CACNA2D3: variants seen among roughly 807,000 people sequenced by gnomAD.
The protein encoded by CACNA2D3 is voltage-dependent calcium channel subunit alpha-2/delta-3.
A neutral mutation model predicts 160.6 loss-of-function variants in CACNA2D3; 60 were observed. That is an observed-to-expected ratio of 0.37 (90% CI 0.30 to 0.46). The LOEUF is 0.46. CACNA2D3 is among the 20% of genes least tolerant of loss of function. The pLI is 1.00. For synonymous variants in CACNA2D3, 558 were observed against 492.9 expected (o/e 1.13, Z -1.75); for missense variants, 1,205 against 1,365.0 (o/e 0.88, Z 1.85).
In CACNA2D3 at chr3:54,805,378, C is replaced by T. The variant is rs376863950; in HGVS notation, c.1381-11475C>T. On this transcript the variant is annotated intron_variant, in intron 13 of 37. Transcript: ENST00000474759. Reference sequence around the variant, plus strand: ...AAAATGATAAAGGGGATATCACTACCGATCCCACAGAAATACAAACTACCA... The same window carrying T: ...AAAATGATAAAGGGGATATCACTACTGATCCCACAGAAATACAAACTACCA... Among the ~76,000 whole-genome samples the T allele has an allele frequency of 7.8e-3, 1,191 of 152,168 alleles. 23 individuals carry two copies. Among genetic ancestry groups the T allele is most frequent in the African/African-American group, 0.026 (1,070 of 41,502 alleles).
intron 2 of CACNA2D3, among the ~76,000 whole-genome samples, chr3:54,169,933 A>G (rs1700533007): frequency 6.6e-6 from 1 of 152,138 alleles, no homozygotes; most frequent in Admixed American, 6.5e-5. Flanking sequence ...CATGCCTGTA[A>G]TCCCCGCAGT....
intron 13 of CACNA2D3, among the ~76,000 whole-genome samples, chr3:54,805,440 T>C (rs2106682986): frequency 6.6e-6 from 1 of 152,250 alleles, no homozygotes; most frequent in Admixed American, 6.5e-5. Flanking sequence ...GCAAATAAAC[T>C]AGAAAATCTA....
In CACNA2D3 at chr3:54,724,626, CCA is replaced by C. The variant is rs538025611; in HGVS notation, c.1168-27968_1168-27967del. Among the ~76,000 whole-genome samples the C allele has an allele frequency of 4.4e-3, 663 of 152,250 alleles. 7 individuals are homozygous for C. Among genetic ancestry groups the C allele is most frequent in the African/African-American group, 0.015 (619 of 41,552 alleles). On this transcript the variant is annotated intron_variant, in intron 11 of 37. Coordinates refer to ENST00000474759, the MANE Select transcript of CACNA2D3 (RefSeq NM_018398.3). ...TCAGGATTAAGAAACTCACTCAAAACCACACAGCTACATGGAAACTGAACAGC... is the reference window on the plus strand; with the variant it reads ...TCAGGATTAAGAAACTCACTCAAAACCACAGCTACATGGAAACTGAACAGC...
chr3:54,820,585 T>C (rs1159874163), intron 14 of CACNA2D3, among the ~76,000 whole-genome samples: 3 of 152,166 alleles, frequency 2.0e-5, no homozygotes, highest in Non-Finnish European at 4.4e-5. Context: ...ATGGAGGTAG[T>C]GTCCTGAGGT....
At chr3:54,709,122 G>C (rs1053494266) in intron 11 of CACNA2D3, among the ~76,000 whole-genome samples, 1 of 149,680 alleles carries the variant, frequency 6.7e-6, no homozygotes, top group Non-Finnish European at 1.5e-5. Context: ...CAATTCTCCC[G>C]CCTCAGCCTC....
At chr3:54,522,758 C>T (rs191869214) in intron 5 of CACNA2D3, among the ~76,000 whole-genome samples, 1 of 152,096 alleles carries the variant, frequency 6.6e-6, no homozygotes, top group East Asian at 1.9e-4. Flanking sequence ...TGCAGCAAAC[C>T]ACTATTTTGA....
In CACNA2D3 at chr3:54,538,598, C is replaced by G. The variant is rs145844982; in HGVS notation, c.545-24202C>G. 4.8e-3 allele frequency among the ~76,000 whole-genome samples: 737 copies of G among 152,266 alleles called. 1 individual carries two copies. Among genetic ancestry groups the G allele is most frequent in the African/African-American group, 0.017 (716 of 41,552 alleles). On this transcript the variant is annotated intron_variant, in intron 5 of 37. Coordinates refer to ENST00000474759, the MANE Select transcript of CACNA2D3 (RefSeq NM_018398.3). ...CAGAGAGAGAGAGGATGCCAAGCTT[C>G]TGGGCATTCACAGGGGCTACCTCAA...
At chr3:54,446,134 G>A (rs1340103357) in intron 4 of CACNA2D3, among the ~76,000 whole-genome samples, 1 of 152,200 alleles carries the variant, frequency 6.6e-6, no homozygotes, top group Non-Finnish European at 1.5e-5. Context: ...GTGTTTTGCT[G>A]GAAGATGTCT....
At chr3:54,919,983 C>A (rs1214149958) in intron 27 of CACNA2D3, among the ~76,000 whole-genome samples, 5 of 152,132 alleles carry the variant, frequency 3.3e-5, no homozygotes, top group Non-Finnish European at 7.4e-5. Flanking sequence ...GCACTGTCTG[C>A]TAGGAAGCCT....
At chr3:54,925,281 G>T in intron 27 of CACNA2D3, 1 of 1,337,496 alleles carries the variant, frequency 7.5e-7, no homozygotes, top group Non-Finnish European at 1.0e-6. Flanking sequence ...GCACTTTTCC[G>T]CCTTTGAATT....
At chr3:54,976,999 A>G (rs1007424172) in intron 29 of CACNA2D3, among the ~76,000 whole-genome samples, 6 of 152,246 alleles carry the variant, frequency 3.9e-5, no homozygotes, top group Admixed American at 1.3e-4. Context: ...AATAAAGTGG[A>G]AAGTATGAAA....
At chr3:54,197,343 C>A (rs1408725314) in intron 2 of CACNA2D3, 1 of 152,180 alleles carries the variant, frequency 6.6e-6, no homozygotes, top group Non-Finnish European at 1.5e-5. Flanking sequence ...GAAATGTCTT[C>A]CTCGTGACCT....
chr3:54,166,951 G>A (rs528114828), intron 2 of CACNA2D3, among the ~76,000 whole-genome samples: 1 of 152,256 alleles, frequency 6.6e-6, no homozygotes, highest in Admixed American at 6.5e-5. Flanking sequence ...GATTTTATGA[G>A]TTATAATATT....
intron 20 of CACNA2D3, 54 bp downstream of exon 20, chr3:54,879,465 TAC>T: frequency 1.5e-6 from 2 of 1,291,950 alleles, no homozygotes; most frequent in Middle Eastern, 1.9e-4. Context: ...GTTGTGTTTG[TAC>T]AAAACCTGCT....
intron 35 of CACNA2D3, among the ~76,000 whole-genome samples, chr3:55,020,941 G>C (rs1048422924): frequency 1.1e-4 from 16 of 151,974 alleles, no homozygotes; most frequent in African/African-American, 3.9e-4. Flanking sequence ...AAAAAGGAGA[G>C]TGGCGATACT....
chr3:54,841,375 T>C (rs1349853988), intron 16 of CACNA2D3, among the ~76,000 whole-genome samples: 1 of 152,224 alleles, frequency 6.6e-6, no homozygotes, highest in Non-Finnish European at 1.5e-5. Context: ...GTGCTTGAAA[T>C]GCAGGCATGT....
At chr3:54,837,601 T>G (rs565714006) in intron 15 of CACNA2D3, among the ~76,000 whole-genome samples, 1 of 152,204 alleles carries the variant, frequency 6.6e-6, no homozygotes, top group African/African-American at 2.4e-5. Flanking sequence ...AAATAGAAAT[T>G]TCTTCTCTCA....
chr3:54,771,907 T>C (rs1190623361), intron 13 of CACNA2D3, among the ~76,000 whole-genome samples: 2 of 152,052 alleles, frequency 1.3e-5, no homozygotes, highest in African/African-American at 4.8e-5. Flanking sequence ...GGAAAGATAA[T>C]GCCAGAAGGA....
At chr3:54,597,733 G>C (rs566793881) in intron 9 of CACNA2D3, among the ~76,000 whole-genome samples, 1 of 152,096 alleles carries the variant, frequency 6.6e-6, no homozygotes, top group Non-Finnish European at 1.5e-5. Flanking sequence ...CCTAGATCCC[G>C]AGTTGTCTAG....
Sources: gnomAD v4.1 joint callset for allele counts (sites outside exome capture counted in the v4.1 genomes callset) on GRCh38, gnomAD v4.1.1 for gene constraint, MANE v1.5 for transcripts, NCBI Gene and HGNC (gene_info 2026-07-23, HGNC 2026-07-21) for gene names.